The following KLF12 variants were observed in gnomAD, a reference collection of about 807,000 sequenced individuals.
The protein encoded by KLF12 is Krueppel-like factor 12.
Under a neutral mutation model 37.8 loss-of-function variants are expected in KLF12, and 9 were observed. That is an observed-to-expected ratio of 0.24 (90% confidence interval 0.14 to 0.42). The LOEUF is 0.42. KLF12 is among the 10% of genes least tolerant of loss of function. KLF12 has a pLI of 1.00. For missense variants in KLF12, 411 were observed against 516.0 expected (o/e 0.80, Z 1.97); for synonymous variants, 208 against 202.1 (o/e 1.03, Z -0.25).
the KLF12 span, among the ~76,000 whole-genome samples, chr13:74,225,748 T>C: frequency 2.0e-5 from 3 of 152,126 alleles, no homozygotes; most frequent in Non-Finnish European, 4.4e-5. Flanking sequence ...ATGTGCTCTA[T>C]GGATATAGGG....
In KLF12 at chr13:73,972,196, G is replaced by A. The variant is rs1023241499; in HGVS notation, c.33+22794C>T. Among the ~76,000 whole-genome samples the A allele has an allele frequency of 7.9e-5, 12 of 152,100 alleles. No homozygotes were observed. In the South Asian group the frequency reaches 1.2e-3, roughly 16 times the overall value. On this transcript the variant is annotated intron_variant, in intron 2 of 7. Coordinates refer to ENST00000377669, the MANE Select transcript of KLF12 (RefSeq NM_007249.5). ...ATGTTAAAAGATTTAAACCACAGAC[G>A]AAGAATTTAAAGGCTAACATTATGA...
the KLF12 span, among the ~76,000 whole-genome samples, chr13:74,147,262 AC>A: frequency 3.9e-5 from 6 of 152,188 alleles, no homozygotes; most frequent in Admixed American, 1.3e-4. Context: ...GAACAAGTGC[AC>A]CCCTTCCTGG....
chr13:74,230,044 AAC>A, the KLF12 span, among the ~76,000 whole-genome samples: 1 of 152,154 alleles, frequency 6.6e-6, no homozygotes, highest in East Asian at 1.9e-4. Flanking sequence ...ATGAGATGAT[AAC>A]ACATGATATG....
rs1873499958 is a variant in KLF12, at chr13:73,686,307, C to A, written c.*9183G>T. 1 of 152,606 alleles carries A rather than the reference C, an allele frequency of 6.6e-6. No homozygotes were observed. The highest frequency in any genetic ancestry group is 6.5e-5 in the Admixed American group (1 of 15,276). 9.5% of individuals were successfully genotyped at this position (152,606 alleles called of 1,614,324 possible). On this transcript the variant is annotated 3_prime_UTR_variant, in exon 8 of 8. Transcript: ENST00000377669. ...ATCTCTGAGAATAGACTGGAATAAT[C>A]ATCCTCTGAGAGAATCTCATTAGGA... is the stretch of plus-strand genomic sequence containing the variant.
At chr13:74,136,189 G>A (rs545729039), upstream of KLF12, among the ~76,000 whole-genome samples, 1 of 152,328 alleles carries the variant, frequency 6.6e-6, no homozygotes, top group African/African-American at 2.4e-5. Context: ...GCGGGAAGGC[G>A]CGGGCGCAGC....
chr13:74,180,140 G>T, the KLF12 span, among the ~76,000 whole-genome samples: 1 of 152,186 alleles, frequency 6.6e-6, no homozygotes, highest in Non-Finnish European at 1.5e-5. Context: ...CAATGCATAG[G>T]TTTCTCTATG....
the KLF12 span, among the ~76,000 whole-genome samples, chr13:74,200,386 A>G: frequency 6.6e-6 from 1 of 152,164 alleles, no homozygotes; most frequent in Admixed American, 6.6e-5. Context: ...TGGAGCATGA[A>G]GCATGAGTGT....
At chr13:74,185,618 T>C in the KLF12 span, among the ~76,000 whole-genome samples, 3 of 152,094 alleles carry the variant, frequency 2.0e-5, no homozygotes, top group Admixed American at 2.0e-4. Flanking sequence ...GGTGTCAACA[T>C]TGGCCAGATT....
chr13:73,753,197 G>A (rs1359787937), intron 6 of KLF12, among the ~76,000 whole-genome samples: 3 of 151,890 alleles, frequency 2.0e-5, no homozygotes, highest in Non-Finnish European at 4.4e-5. Flanking sequence ...TGCTCCCACC[G>A]ACCTCTCTGA....
chr13:74,053,363 T>C (rs1038400115), intron 1 of KLF12, among the ~76,000 whole-genome samples: 1 of 149,168 alleles, frequency 6.7e-6, no homozygotes, highest in Non-Finnish European at 1.5e-5. Context: ...AAATACCATA[T>C]ATTTTCTTTG....
chr13:74,146,413 A>G, the KLF12 span, among the ~76,000 whole-genome samples: 14 of 152,308 alleles, frequency 9.2e-5, no homozygotes, highest in African/African-American at 2.9e-4. Context: ...ATTATCCCCA[A>G]CAGAAAAGCT....
intron 3 of KLF12, among the ~76,000 whole-genome samples, chr13:73,886,338 T>A (rs1351735374): frequency 6.6e-6 from 1 of 152,208 alleles, no homozygotes; most frequent in Non-Finnish European, 1.5e-5. Flanking sequence ...TAATTCTGCA[T>A]GAATCTGTGC....
chr13:73,858,160 AAG>A (rs1885704990), intron 3 of KLF12, among the ~76,000 whole-genome samples: 1 of 152,146 alleles, frequency 6.6e-6, no homozygotes, highest in Non-Finnish European at 1.5e-5. Flanking sequence ...TATTTTTAGA[AAG>A]AAAAGTATTT....
chr13:73,950,893 G>A (rs903334226), intron 2 of KLF12, among the ~76,000 whole-genome samples: 6 of 152,132 alleles, frequency 3.9e-5, no homozygotes, highest in African/African-American at 1.4e-4. Context: ...CTAATGCTCA[G>A]GACCTACCCA....
chr13:74,176,478 A>G, the KLF12 span, among the ~76,000 whole-genome samples: 5 of 152,090 alleles, frequency 3.3e-5, no homozygotes, highest in African/African-American at 1.2e-4. Context: ...CCAATAACTT[A>G]TAACCCTCAC....
In KLF12 at chr13:73,689,220, A is replaced by C. The variant is rs1311370942; in HGVS notation, c.*6270T>G. ...GCTTTCCTTTGACACTTAATTGGTTATTTTACCCCCTTATCCTGGTACATT... is the reference window on the plus strand; with the variant it reads ...GCTTTCCTTTGACACTTAATTGGTTCTTTTACCCCCTTATCCTGGTACATT... On this transcript the variant is annotated 3_prime_UTR_variant, in exon 8 of 8. Transcript: ENST00000377669. 3 of 152,160 alleles carry C rather than the reference A, an allele frequency of 2.0e-5. No homozygotes were observed. The highest frequency in any genetic ancestry group is 2.1e-4 in the South Asian group (1 of 4,820). The allele number at this position is 152,160 out of a possible 1,614,324, so 9.4% of individuals were successfully genotyped here. A position where few individuals can be genotyped will look rare whatever the true frequency, so the allele number is the denominator to read the frequency against.
chr13:74,117,809 G>A (rs538603021), intron 1 of KLF12, among the ~76,000 whole-genome samples: 1 of 152,054 alleles, frequency 6.6e-6, no homozygotes, highest in Admixed American at 6.6e-5. Context: ...ACTGAAGGAC[G>A]TCCTATAAAA....
At chr13:74,202,190 G>A in the KLF12 span, among the ~76,000 whole-genome samples, 2 of 152,120 alleles carry the variant, frequency 1.3e-5, no homozygotes, top group Non-Finnish European at 2.9e-5. Context: ...TTAATAACTT[G>A]GTGCCTATCC....
intron 1 of KLF12, among the ~76,000 whole-genome samples, chr13:74,014,246 G>A (rs1422221880): frequency 1.3e-5 from 2 of 152,154 alleles, no homozygotes; most frequent in African/African-American, 4.8e-5. Flanking sequence ...AGGCACACCA[G>A]CCCAGTGGAT....
Sources: gnomAD v4.1 joint callset for allele counts (sites outside exome capture counted in the v4.1 genomes callset) on GRCh38, gnomAD v4.1.1 for gene constraint, MANE v1.5 for transcripts, NCBI Gene and HGNC (gene_info 2026-07-23, HGNC 2026-07-21) for gene names.